The following ALDH1L2 variants were observed in gnomAD, a reference collection of about 807,000 sequenced individuals.
The protein encoded by ALDH1L2 is mitochondrial 10-formyltetrahydrofolate dehydrogenase.
A neutral mutation model predicts 111.0 loss-of-function variants in ALDH1L2; 91 were observed. That is an observed-to-expected ratio of 0.82 (90% confidence interval 0.69 to 0.98). ALDH1L2 has a LOEUF of 0.98. ALDH1L2 is among the 50% of genes least tolerant of loss of function. ALDH1L2 has a pLI of 0.00. For missense variants in ALDH1L2, 995 were observed against 1,126.8 expected, an observed-to-expected ratio of 0.88 and a Z score of 1.67; for synonymous variants, 374 against 392.6, an observed-to-expected ratio of 0.95 and a Z score of 0.56.
intron 18 of ALDH1L2, among the ~76,000 whole-genome samples, chr12:105,036,478 CATAT>C (rs1295846032): frequency 9.9e-6 from 1 of 100,646 alleles, no homozygotes; most frequent in African/African-American, 3.4e-5. Context: ...TATACACACA[CATAT>C]ATACGTATAT....
At position 105,040,682 on chromosome 12, in the gene ALDH1L2, T is replaced by C. The variant is rs1875477989; in HGVS notation, c.1876A>G (p.Thr626Ala). 1 of 1,614,078 alleles carries C rather than the reference T, an allele frequency of 6.2e-7. No individual in the cohort carries two copies. The highest frequency in any genetic ancestry group is 8.5e-7 in the Non-Finnish European group (1 of 1,179,978). ...GACAGTTCTGCAAACTTCAAAGCAG[T>C]CAAGGGCGTGACCTGAGGAGAAGCA... ...VLKPAQVTPL[T>A]ALKFAELSVK... Residue 626 changes from threonine (T) to alanine (A), a missense_variant, in exon 16 of 23, where the codon ACT (threonine) becomes GCT (alanine). Thr to Ala is a moderately conservative substitution (Grantham distance 58). Coordinates refer to ENST00000258494, the MANE Select transcript of ALDH1L2 (RefSeq NM_001034173.4).
rs1874277386 is a variant in ALDH1L2 at position 105,023,799 on chromosome 12, T to C, written c.*625A>G. On this transcript the variant is annotated 3_prime_UTR_variant, in exon 23 of 23. Coordinates refer to ENST00000258494, the MANE Select transcript of ALDH1L2 (RefSeq NM_001034173.4). ...ATTTAAACTATGTGGGGGCCAGCCATCATATCATTAAATTCTCTATACTCC... is the reference window on the plus strand; with the variant it reads ...ATTTAAACTATGTGGGGGCCAGCCACCATATCATTAAATTCTCTATACTCC... The C allele has an allele frequency of 6.6e-6, 1 of 152,190 alleles. No individual in the cohort carries two copies. Among genetic ancestry groups the C allele is most frequent in the Non-Finnish European group, 1.5e-5 (1 of 68,040 alleles). The allele number at this position is 152,190 out of a possible 1,614,324, so 9.4% of individuals were successfully genotyped here. A position where few individuals can be genotyped will look rare whatever the true frequency, so the allele number is the denominator to read the frequency against.
Position 105,084,381 on chromosome 12 carries a change from G to A in ALDH1L2, c.48+8C>T, listed in dbSNP as rs1423899180. ...GACAGCCGGGACGCTCGCCCGGGCC[G>A]GACTCACCCGGCCAGTGGAGAAGCG... On this transcript the variant is annotated splice_region_variant and intron_variant, in intron 1 of 22. Coordinates refer to ENST00000258494, the MANE Select transcript of ALDH1L2 (RefSeq NM_001034173.4). 4 of 1,482,480 alleles carry A rather than the reference G, an allele frequency of 2.7e-6. No individual in the cohort carries two copies. Among genetic ancestry groups the A allele is most frequent in the Non-Finnish European group, 2.7e-6 (3 of 1,120,212 alleles). 91.8% of individuals were successfully genotyped at this position (1,482,480 alleles called of 1,614,324 possible).
At chr12:105,064,217 G>C (rs1444643712) in intron 6 of ALDH1L2, among the ~76,000 whole-genome samples, 3 of 130,658 alleles carry the variant, frequency 2.3e-5, no homozygotes, top group Non-Finnish European at 4.6e-5. Context: ...TCCTGACCTG[G>C]GTAATCCTCC....
At position 105,022,541 on chromosome 12, in the gene ALDH1L2, CA is replaced by C. The variant is rs1428946632; in HGVS notation, c.*1882del. On this transcript the variant is annotated 3_prime_UTR_variant, in exon 23 of 23. Transcript: ENST00000258494. ...AATTTGATTAAATCATATTCTAAATCACATGAAATCAGTTAAAACATTTCAC... is the reference window on the plus strand; with the variant it reads ...AATTTGATTAAATCATATTCTAAATCCATGAAATCAGTTAAAACATTTCAC... 2 of 152,186 alleles carry C rather than the reference CA, an allele frequency of 1.3e-5. No homozygotes were observed. The highest frequency in any genetic ancestry group is 2.9e-5 in the Non-Finnish European group (2 of 68,028). The allele number at this position is 152,186 out of a possible 1,614,324, so 9.4% of individuals were successfully genotyped here.
chr12:105,032,269 C>T (rs1874753235), intron 19 of ALDH1L2, among the ~76,000 whole-genome samples: 1 of 150,806 alleles, frequency 6.6e-6, no homozygotes, highest in South Asian at 2.1e-4. Flanking sequence ...CCTCTGCCTC[C>T]CGGGTTCAAG....
chr12:105,077,988 G>A (rs370909470), intron 1 of ALDH1L2, among the ~76,000 whole-genome samples: 5 of 152,096 alleles, frequency 3.3e-5, no homozygotes, highest in Non-Finnish European at 7.4e-5. Flanking sequence ...TGGAGCATCC[G>A]GCACAGAGTG....
In ALDH1L2 at chr12:105,065,164, C is replaced by T. The variant is rs1877269979; in HGVS notation, c.786+103G>A. 2.0e-5 allele frequency: 15 copies of T among 732,496 alleles called. No homozygotes were observed. The South Asian group carries it at 2.2e-4, about 11-fold the overall frequency. 45.4% of individuals were successfully genotyped at this position (732,496 alleles called of 1,614,324 possible). On this transcript the variant is annotated intron_variant, in intron 6 of 22. Coordinates refer to ENST00000258494, the MANE Select transcript of ALDH1L2 (RefSeq NM_001034173.4). ...GGGAGAGTGAATCACAGACCTGCCT[C>T]ATGACCAAGGAAGAACCATGGGAAG...
At chr12:105,064,312 C>T (rs1487715427) in intron 6 of ALDH1L2, among the ~76,000 whole-genome samples, 1 of 151,574 alleles carries the variant, frequency 6.6e-6, no homozygotes, top group Non-Finnish European at 1.5e-5. Flanking sequence ...TTACCCATAA[C>T]CTAAGGGAGG....
At chr12:105,083,260 G>A (rs1396158135) in intron 1 of ALDH1L2, among the ~76,000 whole-genome samples, 1 of 152,214 alleles carries the variant, frequency 6.6e-6, no homozygotes, top group African/African-American at 2.4e-5. Context: ...CATGTGCCAC[G>A]TGGTGGGGGA....
intron 16 of ALDH1L2, 112 bp from the exon 17 acceptor site, chr12:105,039,918 C>A (rs1875420999): frequency 2.3e-6 from 2 of 859,934 alleles, no homozygotes; most frequent in East Asian, 5.1e-5. Flanking sequence ...ATCACAAGGT[C>A]AGGAGATCGA....
At chr12:105,083,211 G>A (rs1878409473) in intron 1 of ALDH1L2, among the ~76,000 whole-genome samples, 1 of 152,220 alleles carries the variant, frequency 6.6e-6, no homozygotes. Context: ...CAGGCATTGG[G>A]CACAGCCCGT....
chr12:105,042,707 A>G (rs1415151831), intron 15 of ALDH1L2, among the ~76,000 whole-genome samples: 2 of 152,076 alleles, frequency 1.3e-5, no homozygotes, highest in Non-Finnish European at 2.9e-5. Flanking sequence ...CATTCATCCC[A>G]TGTTCTATAG....
At chr12:105,048,574 C>G (rs565591364) in intron 13 of ALDH1L2, 79 of 152,310 alleles carry the variant, frequency 5.2e-4, no homozygotes, top group African/African-American at 1.6e-3. Flanking sequence ...GAGGAACATG[C>G]ATACTGCAGT....
intron 6 of ALDH1L2, 79 bp downstream of exon 6, chr12:105,065,188 A>C: frequency 1.2e-6 from 1 of 841,184 alleles, no homozygotes. Flanking sequence ...AACCATGGGA[A>C]GCCCAGATTT....
chr12:105,065,182 A>C lies in ALDH1L2; in HGVS notation c.786+85T>G. ...CCTGCCTCATGACCAAGGAAGAACCATGGGAAGCCCAGATTTATCTGTAAT... is the reference window on the plus strand; with the variant it reads ...CCTGCCTCATGACCAAGGAAGAACCCTGGGAAGCCCAGATTTATCTGTAAT... On this transcript the variant is annotated intron_variant, in intron 6 of 22. Coordinates refer to ENST00000258494, the MANE Select transcript of ALDH1L2 (RefSeq NM_001034173.4). 2 of 851,314 alleles carry C rather than the reference A, an allele frequency of 2.3e-6. 1 individual carries two copies. The highest frequency in any genetic ancestry group is 2.8e-5 in the South Asian group (2 of 71,688). The allele number at this position is 851,314 out of a possible 1,614,324, so 52.7% of individuals were successfully genotyped here. A position where few individuals can be genotyped will look rare whatever the true frequency, so the allele number is the denominator to read the frequency against.
At chr12:105,082,498 G>C (rs1243750060) in intron 1 of ALDH1L2, among the ~76,000 whole-genome samples, 1 of 152,154 alleles carries the variant, frequency 6.6e-6, no homozygotes, top group African/African-American at 2.4e-5. Flanking sequence ...ATACATATTT[G>C]AGTTCCATCC....
At chr12:105,080,499 A>G (rs1453723936) in intron 1 of ALDH1L2, among the ~76,000 whole-genome samples, 4 of 152,050 alleles carry the variant, frequency 2.6e-5, no homozygotes, top group African/African-American at 9.7e-5. Context: ...AAATGGGACT[A>G]TTTCTTTCTT....
At chr12:105,068,667 A>T in intron 4 of ALDH1L2, 52 bp downstream of exon 4, 1 of 1,336,976 alleles carries the variant, frequency 7.5e-7, no homozygotes, top group Non-Finnish European at 9.7e-7. Context: ...AAGAAAAAAT[A>T]TTTTCAAAAC....
Sources: allele counts gnomAD v4.1 joint callset (sites outside exome capture counted in the v4.1 genomes callset), GRCh38; gene constraint gnomAD v4.1.1; transcripts MANE v1.5; gene names NCBI Gene and HGNC (gene_info 2026-07-23, HGNC 2026-07-21).